Variants in LHFPL3 observed in about 807,000 individuals in gnomAD.
The protein encoded by LHFPL3 is LHFPL tetraspan subfamily member 3 protein.
A neutral mutation model predicts 19.3 loss-of-function variants in LHFPL3; 5 were observed. The ratio of observed to expected loss-of-function variants is 0.26; its 90% CI spans 0.14 to 0.54. The LOEUF (loss-of-function observed/expected upper bound fraction) is 0.54. Ranked by LOEUF, LHFPL3 falls within the 20% of genes least tolerant of loss-of-function variation. The pLI is 0.94. For missense variants in LHFPL3, 249 were observed against 307.4 expected (o/e 0.81, Z 1.42); for synonymous variants, 133 against 126.2 (o/e 1.05, Z -0.36).
chr7:104,423,123 G>C (rs1475039829), intron 1 of LHFPL3, among the ~76,000 whole-genome samples: 4 of 152,174 alleles, frequency 2.6e-5, no homozygotes, highest in Admixed American at 1.3e-4. Flanking sequence ...GGTGATGCAT[G>C]TTACAAGAGG....
intron 1 of LHFPL3, among the ~76,000 whole-genome samples, chr7:104,368,395 G>C (rs1050183976): frequency 1.2e-4 from 18 of 152,150 alleles, no homozygotes; most frequent in African/African-American, 4.1e-4. Context: ...AGACTTTTAA[G>C]ATTGATTTTA....
chr7:104,396,651 A>AAG (rs1434327701), intron 1 of LHFPL3, among the ~76,000 whole-genome samples: 3 of 151,492 alleles, frequency 2.0e-5, no homozygotes, highest in Admixed American at 2.0e-4. Flanking sequence ...AGAAAAAAAA[A>AAG]AAAAAAGATA....
chr7:104,454,307 C>T (rs781334768), intron 1 of LHFPL3, among the ~76,000 whole-genome samples: 4 of 152,186 alleles, frequency 2.6e-5, no homozygotes, highest in Non-Finnish European at 5.9e-5. Flanking sequence ...AGACCAATTG[C>T]TTGTCTCACT....
At chr7:104,615,191 G>A (rs1324632123) in intron 1 of LHFPL3, among the ~76,000 whole-genome samples, 1 of 152,264 alleles carries the variant, frequency 6.6e-6, no homozygotes, top group East Asian at 1.9e-4. Flanking sequence ...TCTCTAATAC[G>A]TGTGAAAAAG....
In LHFPL3 at chr7:104,399,132, A is replaced by G. The variant is rs34612668; in HGVS notation, c.445+69908A>G. Among the ~76,000 whole-genome samples the G allele has an allele frequency of 0.39, 58,648 of 151,924 alleles. 11,754 individuals are homozygous for G. The highest frequency in any genetic ancestry group is 0.5 in the Admixed American group (7,653 of 15,268). ...ATAGTGGGGGAAGATGTCACTTCCT[A>G]TGGGGTTTTCTGGGGAATGGAGAGT... is the stretch of plus-strand genomic sequence containing the variant. On this transcript the variant is annotated intron_variant, in intron 1 of 2. Transcript: ENST00000424859. This position sits in a 1 kb window ranked among gnomAD's most constrained non-coding sequence, Gnocchi z 4.4.
chr7:104,636,720 T>G (rs1562955307), intron 1 of LHFPL3, among the ~76,000 whole-genome samples: 4 of 152,210 alleles, frequency 2.6e-5, no homozygotes, highest in Non-Finnish European at 5.9e-5. Flanking sequence ...GTTCCTGATC[T>G]CATTCTTTTT....
intron 1 of LHFPL3, among the ~76,000 whole-genome samples, chr7:104,456,241 TAACTC>T (rs1584331549): frequency 6.6e-6 from 1 of 152,216 alleles, no homozygotes; most frequent in African/African-American, 2.4e-5. Context: ...ACTAGATAAT[TAACTC>T]AAGATAGAGC....
At chr7:104,392,664 C>G (rs1215761462) in intron 1 of LHFPL3, among the ~76,000 whole-genome samples, 2 of 152,150 alleles carry the variant, frequency 1.3e-5, no homozygotes, top group South Asian at 2.1e-4. Context: ...TGTTGTGTCT[C>G]TGCCAGGCTT....
At chr7:104,761,037 T>A (rs1404119788) in intron 2 of LHFPL3, among the ~76,000 whole-genome samples, 2 of 151,964 alleles carry the variant, frequency 1.3e-5, no homozygotes, top group Non-Finnish European at 2.9e-5. Context: ...CAAACTGATA[T>A]CAGCATGAAA....
At chr7:104,859,535 G>A (rs894241266) in intron 2 of LHFPL3, among the ~76,000 whole-genome samples, 5 of 152,024 alleles carry the variant, frequency 3.3e-5, no homozygotes, top group Admixed American at 6.6e-5. Context: ...AGGGCATGGT[G>A]GCACATGCCT....
intron 1 of LHFPL3, among the ~76,000 whole-genome samples, chr7:104,365,159 C>T (rs1790460245): frequency 1.3e-5 from 2 of 152,082 alleles, no homozygotes; most frequent in African/African-American, 2.4e-5. Context: ...ATTAGCCGGG[C>T]GTGGTAGCAC....
intron 1 of LHFPL3, among the ~76,000 whole-genome samples, chr7:104,621,200 G>A (rs957436271): frequency 6.6e-6 from 1 of 152,158 alleles, no homozygotes; most frequent in African/African-American, 2.4e-5. Flanking sequence ...AAAGTCAAAT[G>A]AGATCCAGTC....
intron 1 of LHFPL3, among the ~76,000 whole-genome samples, chr7:104,345,001 G>A (rs1350416797): frequency 2.0e-5 from 3 of 152,116 alleles, no homozygotes; most frequent in South Asian, 2.1e-4. Context: ...TTTTTGGAAC[G>A]TTTAATAGAG....
intron 2 of LHFPL3, among the ~76,000 whole-genome samples, chr7:104,752,278 A>T (rs929336679): frequency 2.6e-5 from 4 of 152,134 alleles, no homozygotes; most frequent in African/African-American, 9.7e-5. Context: ...GCTCTGCTAC[A>T]TATTCGCAAT....
chr7:104,560,098 A>C (rs1789956982), intron 1 of LHFPL3, among the ~76,000 whole-genome samples: 11 of 140,396 alleles, frequency 7.8e-5, no homozygotes, highest in East Asian at 6.2e-4. Flanking sequence ...TTTATTGAGG[A>C]TTTTTGCATC....
chr7:104,477,594 C>A (rs1018605450), intron 1 of LHFPL3, among the ~76,000 whole-genome samples: 1 of 151,980 alleles, frequency 6.6e-6, no homozygotes, highest in South Asian at 2.1e-4. Flanking sequence ...ACGGGCCTTT[C>A]GGAGGGTGGA....
intron 1 of LHFPL3, among the ~76,000 whole-genome samples, chr7:104,619,031 T>C (rs909136317): frequency 1.3e-5 from 2 of 152,216 alleles, no homozygotes; most frequent in Non-Finnish European, 2.9e-5. Context: ...ATCATGATTG[T>C]ATCAGGAGCA....
chr7:104,640,909 A>G (rs1431773850), intron 1 of LHFPL3, among the ~76,000 whole-genome samples: 1 of 152,214 alleles, frequency 6.6e-6, no homozygotes, highest in Non-Finnish European at 1.5e-5. Context: ...CTCAGATATT[A>G]TCAAATATTG....
intron 1 of LHFPL3, among the ~76,000 whole-genome samples, chr7:104,411,114 T>C (rs1791526740): frequency 6.6e-6 from 1 of 152,214 alleles, no homozygotes; most frequent in Non-Finnish European, 1.5e-5. Flanking sequence ...TAAAAGATAA[T>C]ATGAGTTTAG....
Sources: gnomAD v4.1 joint callset for allele counts (sites outside exome capture counted in the v4.1 genomes callset) on GRCh38, gnomAD v4.1.1 for gene constraint, Gnocchi (gnomAD v3.1) non-coding constraint, MANE v1.5 for transcripts, NCBI Gene and HGNC (gene_info 2026-07-23, HGNC 2026-07-21) for gene names.